EML6: variants seen among roughly 807,000 people sequenced by gnomAD.
The protein encoded by EML6 is echinoderm microtubule-associated protein-like 6.
In EML6, 154 loss-of-function variants were observed where a neutral mutation model predicts 240.1. That is an observed-to-expected ratio of 0.64 (90% CI 0.56 to 0.73). The LOEUF is 0.73. Ranked by LOEUF, EML6 falls within the 30% of genes least tolerant of loss-of-function variation. The pLI is 0.00. For synonymous variants in EML6, 1,148 were observed against 899.0 expected, an observed-to-expected ratio of 1.28 and a Z score of -4.95; for missense variants, 2,964 against 2,474.6, an observed-to-expected ratio of 1.20 and a Z score of -4.20.
At chr2:54,770,243 T>C (rs1183688427) in intron 2 of EML6, among the ~76,000 whole-genome samples, 4 of 152,138 alleles carry the variant, frequency 2.6e-5, no homozygotes, top group Non-Finnish European at 5.9e-5. Context: ...AGGATATAAT[T>C]TATCATCCAA....
Position 54,950,638 on chromosome 2 carries a change from G to A in EML6, c.4084-12G>A, listed in dbSNP as rs1340552442. On this transcript the variant is annotated splice_polypyrimidine_tract_variant and intron_variant, in intron 29 of 41. Coordinates refer to ENST00000356458, the MANE Select transcript of EML6 (RefSeq NM_001039753.4). Reference sequence around the variant, plus strand: ...CTCTGAGGGTCACATTGATCTGTGTGTGTGAATGCAGGAGCTGGCTCTAGA... The same window carrying A: ...CTCTGAGGGTCACATTGATCTGTGTATGTGAATGCAGGAGCTGGCTCTAGA... 1 of 1,551,402 alleles carries A rather than the reference G, an allele frequency of 6.4e-7. No individual in the cohort carries two copies. The highest frequency in any genetic ancestry group is 1.4e-5 in the African/African-American group (1 of 73,048).
intron 6 of EML6, among the ~76,000 whole-genome samples, chr2:54,828,775 G>C (rs1668720358): frequency 6.6e-6 from 1 of 152,186 alleles, no homozygotes. Flanking sequence ...TTTTCCTGTG[G>C]AGGAGCATCT....
intron 11 of EML6, among the ~76,000 whole-genome samples, chr2:54,857,898 T>C (rs1334527197): frequency 6.6e-6 from 1 of 152,246 alleles, no homozygotes; most frequent in East Asian, 1.9e-4. Flanking sequence ...AAGGCCTAAG[T>C]ATTAATGACA....
chr2:54,903,278 T>G, intron 23 of EML6, 82 bp downstream of exon 23: 1 of 1,523,072 alleles, frequency 6.6e-7, no homozygotes, highest in Admixed American at 2.1e-5. Context: ...CAAATGTTTC[T>G]TTGACCATTT....
intron 14 of EML6, chr2:54,867,126 A>G (rs1229147147): frequency 3.0e-6 from 1 of 329,572 alleles, no homozygotes; most frequent in Admixed American, 4.4e-5. Context: ...CAGACTTCAT[A>G]TAATTCCATG....
chr2:54,792,579 G>T (rs970277308), intron 2 of EML6, among the ~76,000 whole-genome samples: 1 of 152,152 alleles, frequency 6.6e-6, no homozygotes, highest in Non-Finnish European at 1.5e-5. Context: ...GAACTGTTGC[G>T]TATCTGCATT....
intron 30 of EML6, among the ~76,000 whole-genome samples, chr2:54,951,480 G>GGTTGCAGTGAGCCAAGATCGCGCC (rs1675973129): frequency 1.3e-5 from 2 of 152,152 alleles, no homozygotes; most frequent in East Asian, 3.9e-4. Context: ...GGGAGGTGGA[G>GGTTGCAGTGAGCCAAGATCGCGCC]GTTGCAGTGA....
chr2:54,849,956 T>A lies in EML6; in HGVS notation c.1188-6T>A, dbSNP rs1377941503. 3.2e-6 allele frequency: 5 copies of A among 1,549,050 alleles called. No homozygotes were observed. The highest frequency in any genetic ancestry group is 4.4e-6 in the Non-Finnish European group (5 of 1,145,138). On this transcript the variant is annotated splice_region_variant and splice_polypyrimidine_tract_variant and intron_variant, in intron 9 of 41. Coordinates refer to ENST00000356458, the MANE Select transcript of EML6 (RefSeq NM_001039753.4). ...CTGCTTATCGTTTTGCTTTTTATTCTTACAGAGATATGACAGAAGTAGTTC... is the reference window on the plus strand; with the variant it reads ...CTGCTTATCGTTTTGCTTTTTATTCATACAGAGATATGACAGAAGTAGTTC...
chr2:54,885,363 C>T (rs1186163220), intron 17 of EML6, among the ~76,000 whole-genome samples: 1 of 151,276 alleles, frequency 6.6e-6, no homozygotes, highest in Non-Finnish European at 1.5e-5. Flanking sequence ...AGGAGAATCA[C>T]TTGAACCCGG....
chr2:54,899,602 A>C (rs1289390584), intron 21 of EML6, 39 bp from the exon 22 acceptor site: 2 of 1,545,848 alleles, frequency 1.3e-6, no homozygotes, highest in Non-Finnish European at 1.7e-6. Flanking sequence ...GCCAAACAGC[A>C]TAAGTAGAGT....
At chr2:54,808,423 G>GTGCCTC (rs1227603892) in intron 2 of EML6, among the ~76,000 whole-genome samples, 1 of 152,068 alleles carries the variant, frequency 6.6e-6, no homozygotes, top group Admixed American at 6.6e-5. Context: ...TAATTTTGAT[G>GTGCCTC]TGCCTCTGCC....
chr2:54,798,541 G>A (rs1364908631), intron 2 of EML6, among the ~76,000 whole-genome samples: 1 of 152,120 alleles, frequency 6.6e-6, no homozygotes, highest in Admixed American at 6.6e-5. Flanking sequence ...AGTACCTTAT[G>A]TTTTTTGATG....
intron 2 of EML6, among the ~76,000 whole-genome samples, chr2:54,789,312 G>T (rs553919093): frequency 6.6e-6 from 1 of 151,806 alleles, no homozygotes; most frequent in Non-Finnish European, 1.5e-5. Context: ...AGGAGATCGA[G>T]ACCATCCTGG....
At chr2:54,837,819 C>T (rs921044533) in intron 7 of EML6, among the ~76,000 whole-genome samples, 9 of 152,148 alleles carry the variant, frequency 5.9e-5, no homozygotes, top group African/African-American at 2.2e-4. Context: ...CTGGGAGGGG[C>T]GCAAGCATCT....
At chr2:54,928,093 C>T (rs1674652640) in intron 26 of EML6, among the ~76,000 whole-genome samples, 1 of 152,200 alleles carries the variant, frequency 6.6e-6, no homozygotes, top group Non-Finnish European at 1.5e-5. Flanking sequence ...ACATTTCATT[C>T]ATTCCCTCAA....
At chr2:54,839,834 T>C (rs1669344051) in intron 7 of EML6, among the ~76,000 whole-genome samples, 1 of 130,388 alleles carries the variant, frequency 7.7e-6, no homozygotes, top group Non-Finnish European at 1.6e-5. Context: ...ACTGGTTCAT[T>C]AGTCTGGGCT....
intron 12 of EML6, among the ~76,000 whole-genome samples, chr2:54,860,820 C>G (rs543278845): frequency 6.6e-6 from 1 of 152,212 alleles, no homozygotes; most frequent in South Asian, 2.1e-4. Context: ...CCTCATTTCT[C>G]CCCAGATGGG....
intron 25 of EML6, among the ~76,000 whole-genome samples, chr2:54,914,706 A>T (rs576929458): frequency 5.9e-5 from 9 of 152,252 alleles, no homozygotes; most frequent in African/African-American, 2.2e-4. Context: ...TTGAAGAGGT[A>T]GCTCATCATG....
At position 54,879,451 on chromosome 2, in the gene EML6, A is replaced by G; in HGVS notation, c.2345-96A>G. 4 of 764,514 alleles carry G rather than the reference A, an allele frequency of 5.2e-6. No individual in the cohort carries two copies. The Middle Eastern group carries it at 9.8e-4, about 187-fold the overall frequency. 47.4% of individuals were successfully genotyped at this position (764,514 alleles called of 1,614,324 possible). ...ACATCCATCACCTCAAATATTTATCAGTTCTTAAGATCAGTTACTTATTCC... is the reference window on the plus strand; with the variant it reads ...ACATCCATCACCTCAAATATTTATCGGTTCTTAAGATCAGTTACTTATTCC... On this transcript the variant is annotated intron_variant, in intron 16 of 41. Transcript: ENST00000356458.
Sources: gnomAD v4.1 joint callset for allele counts (sites outside exome capture counted in the v4.1 genomes callset) on GRCh38, gnomAD v4.1.1 for gene constraint, MANE v1.5 for transcripts, NCBI Gene and HGNC (gene_info 2026-07-23, HGNC 2026-07-21) for gene names.